Variants in SPINK5 observed in about 807,000 individuals in gnomAD.
SPINK5 encodes serine peptidase inhibitor Kazal type 5, also known as serine protease inhibitor Kazal-type 5.
SPINK5 carries 125 observed loss-of-function variants against 151.8 expected under a neutral mutation model. The observed-to-expected ratio is 0.82, with a 90% CI of 0.71 to 0.96. SPINK5 has a LOEUF of 0.96. SPINK5 is among the 40% of genes least tolerant of loss of function. SPINK5 has a pLI of 0.00. For missense variants in SPINK5, 1,194 were observed against 1,291.9 expected (o/e 0.92, Z 1.16); for synonymous variants, 374 against 395.3 (o/e 0.95, Z 0.64).
Position 148,104,624 on chromosome 5 carries a change from G to A in SPINK5, c.1431-328G>A, listed in dbSNP as rs529958862. ...TTAAGATCCATTTCTGGCCAGGCAC[G>A]GTGGCTCACACCTGTAATCCCAGCA... is the stretch of plus-strand genomic sequence containing the variant. On this transcript the variant is annotated intron_variant, in intron 15 of 32. Transcript: ENST00000256084. 3.9e-5 allele frequency among the ~76,000 whole-genome samples: 6 copies of A among 152,154 alleles called. No homozygotes were observed. In the South Asian group the frequency reaches 8.3e-4, roughly 21 times the overall value.
chr5:148,134,911 G>GC (rs1754659872), intron 32 of SPINK5, among the ~76,000 whole-genome samples: 1 of 151,686 alleles, frequency 6.6e-6, no homozygotes, highest in Non-Finnish European at 1.5e-5. Context: ...TCTTAGTCAA[G>GC]CAATACTAGA....
intron 16 of SPINK5, 61 bp from the exon 17 acceptor site, chr5:148,106,976 T>C (rs1753798095): frequency 6.3e-7 from 1 of 1,597,818 alleles, no homozygotes; most frequent in Non-Finnish European, 8.5e-7. Context: ...TTCCTCATAA[T>C]AGGAAAAGAT....
At chr5:148,085,160 T>C (rs1262448539) in intron 4 of SPINK5, among the ~76,000 whole-genome samples, 1 of 151,888 alleles carries the variant, frequency 6.6e-6, no homozygotes, top group African/African-American at 2.4e-5. Context: ...AACATATGAA[T>C]AGTGGAGTAT....
intron 4 of SPINK5, among the ~76,000 whole-genome samples, chr5:148,083,508 G>A (rs1753075690): frequency 6.6e-6 from 1 of 150,930 alleles, no homozygotes; most frequent in Non-Finnish European, 1.5e-5. Context: ...TTTTTTGGGT[G>A]GTGATTTATT....
At position 148,094,336 on chromosome 5, in the gene SPINK5, A is replaced by G. The variant is rs1290453139; in HGVS notation, c.667-18A>G. 3.7e-6 allele frequency: 6 copies of G among 1,610,494 alleles called. No individual in the cohort carries two copies. The African/African-American group carries it at 5.4e-5, about 14-fold the overall frequency. On this transcript the variant is annotated intron_variant, in intron 8 of 32. Coordinates refer to ENST00000256084, the MANE Select transcript of SPINK5 (RefSeq NM_006846.4). Reference sequence around the variant, plus strand: ...TGAAATGAAATGAAGTAAAATAAATATAATTGTCTTTTCAAAGGATTTTTG... The same window carrying G: ...TGAAATGAAATGAAGTAAAATAAATGTAATTGTCTTTTCAAAGGATTTTTG...
At chr5:148,104,850 C>T (rs568673737) in intron 15 of SPINK5, 102 bp from the exon 16 acceptor site, 27 of 1,058,856 alleles carry the variant, frequency 2.5e-5, no homozygotes, top group South Asian at 2.2e-4. Flanking sequence ...GAGCCGAGAT[C>T]GCGCCACTGC....
Position 148,104,852 on chromosome 5 carries a change from C to T in SPINK5, c.1431-100C>T, listed in dbSNP as rs371368256. On this transcript the variant is annotated intron_variant, in intron 15 of 32. Transcript: ENST00000256084. ...TGGAGGTTGCAGTGAGCCGAGATCG[C>T]GCCACTGCACTCCAGCCTGGGTGAC... 86 of 1,103,008 alleles carry T rather than the reference C, an allele frequency of 7.8e-5. No homozygotes were observed. In the African/African-American group the frequency reaches 9.6e-4, roughly 12 times the overall value. The allele number at this position is 1,103,008 out of a possible 1,614,324, so 68.3% of individuals were successfully genotyped here. A position where few individuals can be genotyped will look rare whatever the true frequency, so the allele number is the denominator to read the frequency against.
At chr5:148,123,034 G>A (rs1411167308) in intron 26 of SPINK5, among the ~76,000 whole-genome samples, 2 of 151,820 alleles carry the variant, frequency 1.3e-5, no homozygotes, top group African/African-American at 4.8e-5. Flanking sequence ...TTGGGGCTCT[G>A]CCTCATAGAA....
intron 26 of SPINK5, 95 bp downstream of exon 26, chr5:148,120,486 C>T: frequency 7.0e-7 from 1 of 1,424,254 alleles, no homozygotes; most frequent in Non-Finnish European, 9.7e-7. Context: ...GACTCTGTCC[C>T]AATCATTGGT....
chr5:148,128,786 G>T (rs1754500121), intron 30 of SPINK5, among the ~76,000 whole-genome samples: 1 of 152,190 alleles, frequency 6.6e-6, no homozygotes. Context: ...GCCTCCCAAA[G>T]TGCTGGGATT....
intron 18 of SPINK5, among the ~76,000 whole-genome samples, chr5:148,110,305 G>T (rs1297172919): frequency 6.6e-6 from 1 of 152,026 alleles, no homozygotes; most frequent in Non-Finnish European, 1.5e-5. Flanking sequence ...GTCCAGTGGG[G>T]TGTTCCATAC....
Position 148,072,178 on chromosome 5 carries a change from C to T in SPINK5, c.240C>T (p.Ala80=). ...AAGAAGCAAAATCACAGAAGAGGGC[C>T]AGGCATTTAGCAAGAGCTCCCAAGG... ...LEKEAKSQKR[A]RHLARAPKAT... is the part of the protein sequence containing the mutation. Residue 80 remains alanine (A), a synonymous_variant, in exon 4 of 33, where the codon GCC becomes GCT. Coordinates refer to ENST00000256084, the MANE Select transcript of SPINK5 (RefSeq NM_006846.4). 1 of 1,612,350 alleles carries T rather than the reference C, an allele frequency of 6.2e-7. No individual in the cohort carries two copies. The highest frequency in any genetic ancestry group is 8.5e-7 in the Non-Finnish European group (1 of 1,178,800).
chr5:148,131,417 C>A lies in SPINK5; in HGVS notation c.3095+28C>A, dbSNP rs758059915. ...AAGTATTCAAGTTGCCCCATCATATCTTCCAGTTTAGAATTTCTCAGCTAG... is the reference window on the plus strand; with the variant it reads ...AAGTATTCAAGTTGCCCCATCATATATTCCAGTTTAGAATTTCTCAGCTAG... On this transcript the variant is annotated intron_variant, in intron 31 of 32. Transcript: ENST00000256084. 4 of 1,613,294 alleles carry A rather than the reference C, an allele frequency of 2.5e-6. No individual in the cohort carries two copies. The Admixed American group carries it at 6.7e-5, about 27-fold the overall frequency.
intron 1 of SPINK5, among the ~76,000 whole-genome samples, 163 bp from the exon 2 acceptor site, chr5:148,065,181 CCTT>C (rs1752546143): frequency 6.6e-6 from 1 of 151,968 alleles, no homozygotes; most frequent in Non-Finnish European, 1.5e-5. Context: ...GGTCCAGTGC[CCTT>C]CTTTTATTTG....
intron 32 of SPINK5, 27 bp from the exon 33 acceptor site, chr5:148,136,956 A>G: frequency 6.2e-7 from 1 of 1,613,668 alleles, no homozygotes; most frequent in Non-Finnish European, 8.5e-7. Context: ...GGGTTCTAGC[A>G]TCTAACCTAC....
chr5:148,066,053 A>G (rs1752576199), intron 2 of SPINK5, among the ~76,000 whole-genome samples: 2 of 152,136 alleles, frequency 1.3e-5, no homozygotes, highest in Non-Finnish European at 2.9e-5. Flanking sequence ...TCATAAGGAT[A>G]ATCAGGGAAG....
At chr5:148,104,658 G>A (rs1258657613) in intron 15 of SPINK5, among the ~76,000 whole-genome samples, 1 of 152,130 alleles carries the variant, frequency 6.6e-6, no homozygotes, top group Non-Finnish European at 1.5e-5. Flanking sequence ...CACTTTTGGA[G>A]GCTGAAGCGG....
At chr5:148,108,965 TC>T in intron 18 of SPINK5, 128 bp downstream of exon 18, 1 of 1,504,318 alleles carries the variant, frequency 6.6e-7, no homozygotes, top group Non-Finnish European at 9.1e-7. Flanking sequence ...TGTGTTTGGA[TC>T]CCCATATACA....
intron 11 of SPINK5, 150 bp downstream of exon 11, chr5:148,098,144 G>C (rs752309568): frequency 8.4e-5 from 64 of 761,566 alleles, no homozygotes; most frequent in Non-Finnish European, 1.3e-4. Flanking sequence ...ATAGAGCTGG[G>C]AGTAAGTACC....
Sources: gnomAD v4.1 joint callset for allele counts (sites outside exome capture counted in the v4.1 genomes callset) on GRCh38, gnomAD v4.1.1 for gene constraint, MANE v1.5 for transcripts, NCBI Gene and HGNC (gene_info 2026-07-23, HGNC 2026-07-21) for gene names.